CIITA: variants seen among roughly 807,000 people sequenced by gnomAD.
CIITA encodes the protein class II major histocompatibility complex transactivator, also known as MHC class II transactivator.
CIITA carries 72 observed loss-of-function variants against 115.1 expected under a neutral mutation model. That is an observed-to-expected ratio of 0.63 (90% CI 0.52 to 0.76). The LOEUF is 0.76. CIITA is among the 30% of genes least tolerant of loss of function. CIITA has a pLI of 0.00. For synonymous variants in CIITA, 763 were observed against 635.6 expected, an observed-to-expected ratio of 1.20 and a Z score of -3.02; for missense variants, 1,617 against 1,463.8, an observed-to-expected ratio of 1.10 and a Z score of -1.71.
chr16:10,875,644 A>G (rs1007498169), upstream of CIITA, among the ~76,000 whole-genome samples: 1 of 151,996 alleles, frequency 6.6e-6, no homozygotes, highest in African/African-American at 2.4e-5. Context: ...GGTTTTTTTT[A>G]ACCACTCACC....
chr16:10,902,993 T>G (rs573193483), intron 8 of CIITA, among the ~76,000 whole-genome samples, 192 bp downstream of exon 8: 2 of 152,346 alleles, frequency 1.3e-5, no homozygotes, highest in South Asian at 4.1e-4. Context: ...CCTGAGGTGG[T>G]CTGGGTGCAT....
At chr16:10,939,635 T>C (rs2041074332), downstream of CIITA, 1 of 152,272 alleles carries the variant, frequency 6.6e-6, no homozygotes, top group South Asian at 2.1e-4. The surrounding 1 kb of genome is among the most constrained non-coding windows in gnomAD (Gnocchi z 4.9). Flanking sequence ...AGAGGCTTTC[T>C]CTGACCCCTC....
Position 10,929,200 on chromosome 16 carries a change from C to A in CIITA, c.*5345C>A, listed in dbSNP as rs1049447259. On this transcript the variant is annotated 3_prime_UTR_variant, in exon 20 of 20. Coordinates refer to ENST00000324288, the MANE Select transcript of CIITA (RefSeq NM_000246.4). This position sits in a 1 kb window ranked among gnomAD's most constrained non-coding sequence, Gnocchi z 4.3. ...CAGCCTCGGGCTAAACCCAGCTGGCCTGAAGGCTCAACTCACATCAAACGG... is the reference window on the plus strand; with the variant it reads ...CAGCCTCGGGCTAAACCCAGCTGGCATGAAGGCTCAACTCACATCAAACGG... 8.1e-6 allele frequency: 8 copies of A among 985,654 alleles called. No homozygotes were observed. Among genetic ancestry groups the A allele is most frequent in the Admixed American group, 1.2e-4 (2 of 16,264 alleles). The allele number at this position is 985,654 out of a possible 1,614,324, so 61.1% of individuals were successfully genotyped here.
In CIITA at chr16:10,922,236, C is replaced by G. The variant is rs1427439897; in HGVS notation, c.3219C>G (p.Ser1073=). The change falls in exon 17 of 20, where the codon TCC becomes TCG. Residue 1073 remains serine, a synonymous_variant. Transcript: ENST00000324288. ...CTCGTGTGCTTCCGGACATGGTGTC[C>G]CTCCGGGTGATGGAGTGAGTGTGGG... is the stretch of plus-strand genomic sequence containing the variant. ...SLARVLPDMV[S]LRVMDVQYNK... 6.2e-7 allele frequency: 1 copy of G among 1,614,208 alleles called. No homozygotes were observed. The highest frequency in any genetic ancestry group is 8.5e-7 in the Non-Finnish European group (1 of 1,180,022).
chr16:10,898,597 G>A, intron 3 of CIITA, 73 bp from the exon 4 acceptor site: 6 of 1,447,470 alleles, frequency 4.1e-6, no homozygotes, highest in Non-Finnish European at 5.7e-6. Context: ...AGGTTCCCCA[G>A]CCCAAGGCCT....
At chr16:10,880,523 G>A (rs746552312) in intron 1 of CIITA, among the ~76,000 whole-genome samples, 5 of 152,184 alleles carry the variant, frequency 3.3e-5, no homozygotes, top group Non-Finnish European at 7.3e-5. Flanking sequence ...GTTTGCAGAC[G>A]CAGGATTTGA....
At chr16:10,886,711 C>T (rs1278943852) in intron 1 of CIITA, among the ~76,000 whole-genome samples, 1 of 152,194 alleles carries the variant, frequency 6.6e-6, no homozygotes, top group Non-Finnish European at 1.5e-5. Context: ...ACCACTTACT[C>T]GCTAAGTCAC....
chr16:10,891,317 A>C (rs1258422538), intron 1 of CIITA, among the ~76,000 whole-genome samples: 1 of 152,028 alleles, frequency 6.6e-6, no homozygotes, highest in Admixed American at 6.6e-5. Flanking sequence ...CCGACAGGCT[A>C]TGAGGTCTTG....
rs76059448 is a variant in CIITA, at chr16:10,904,015, G to A, written c.937+120G>A. 4 of 1,342,252 alleles carry A rather than the reference G, an allele frequency of 3.0e-6. No homozygotes were observed. In the African/African-American group the frequency reaches 5.8e-5, roughly 19 times the overall value. The allele number at this position is 1,342,252 out of a possible 1,614,324, so 83.1% of individuals were successfully genotyped here. On this transcript the variant is annotated intron_variant, in intron 9 of 19. Coordinates refer to ENST00000324288, the MANE Select transcript of CIITA (RefSeq NM_000246.4). ...TGTAGGGACAACAGGTCATGTTTAG[G>A]GGTCAGTCGGGACAGGGAGGGTCTC... is the stretch of plus-strand genomic sequence containing the variant.
chr16:10,923,363 G>C lies in CIITA; in HGVS notation c.*22+38G>C. 2.7e-6 allele frequency: 4 copies of C among 1,485,866 alleles called. No individual in the cohort carries two copies. Among genetic ancestry groups the C allele is most frequent in the Non-Finnish European group, 3.8e-6 (4 of 1,065,244 alleles). The allele number at this position is 1,485,866 out of a possible 1,614,324, so 92.0% of individuals were successfully genotyped here. On this transcript the variant is annotated intron_variant, in intron 19 of 19. Coordinates refer to ENST00000324288, the MANE Select transcript of CIITA (RefSeq NM_000246.4). The surrounding 1 kb of genome is among the most constrained non-coding windows in gnomAD (Gnocchi z 5.2). ...GGCTTGGGAGGGGAGAGCCGCAGTG[G>C]GTTGGGGGCAGTGTCCTTGTGAAGG... is the stretch of plus-strand genomic sequence containing the variant.
rs1273245844 is a variant in CIITA at position 10,899,036 on chromosome 16, T to C, written c.436+34T>C. The C allele has an allele frequency of 2.5e-6, 4 of 1,605,472 alleles. No homozygotes were observed. In the Admixed American group the frequency reaches 6.7e-5, roughly 27 times the overall value. ...GCCCCTCCCTGATCCAACCTAGCCT[T>C]GCTTGAGACCTGGCCTTTCCTTGAC... On this transcript the variant is annotated intron_variant, in intron 5 of 19. Transcript: ENST00000324288.
chr16:10,883,454 AC>A (rs1325742092), intron 1 of CIITA, among the ~76,000 whole-genome samples: 1 of 152,196 alleles, frequency 6.6e-6, no homozygotes, highest in Non-Finnish European at 1.5e-5. Flanking sequence ...CAGGCCCCTC[AC>A]CCACAATAAC....
upstream of CIITA, among the ~76,000 whole-genome samples, chr16:10,872,671 T>C (rs2035568096): frequency 6.6e-6 from 1 of 152,262 alleles, no homozygotes; most frequent in Non-Finnish European, 1.5e-5. Flanking sequence ...TGTCCCTCCC[T>C]AATTTGGATA....
chr16:10,918,097 T>C (rs2040057080), intron 15 of CIITA, among the ~76,000 whole-genome samples: 1 of 152,150 alleles, frequency 6.6e-6, no homozygotes, highest in Admixed American at 6.5e-5. Context: ...CCCTGCTCCA[T>C]GTGAAGCCCA....
intron 13 of CIITA, among the ~76,000 whole-genome samples, chr16:10,913,023 C>T (rs2039686080): frequency 6.6e-6 from 1 of 152,244 alleles, no homozygotes; most frequent in Admixed American, 6.5e-5. Context: ...AGTTCAGTCC[C>T]CACTCACCTG....
chr16:10,917,772 G>T (rs191527974), intron 15 of CIITA, among the ~76,000 whole-genome samples: 1 of 152,108 alleles, frequency 6.6e-6, no homozygotes, highest in African/African-American at 2.4e-5. Context: ...GAGCCACCAC[G>T]CCCAGTTCAA....
chr16:10,878,097 C>T (rs746009474), intron 1 of CIITA, among the ~76,000 whole-genome samples: 2 of 152,294 alleles, frequency 1.3e-5, no homozygotes, highest in Non-Finnish European at 2.9e-5. Context: ...AGGGACCTAG[C>T]ACAGTGTCCA....
downstream of CIITA, chr16:10,939,585 T>C (rs2041073568): frequency 6.6e-6 from 1 of 152,230 alleles, no homozygotes; most frequent in Non-Finnish European, 1.5e-5. This position sits in a 1 kb window ranked among gnomAD's most constrained non-coding sequence, Gnocchi z 4.9. Context: ...CAGATCCTTC[T>C]ATCAAATTAA....
downstream of CIITA, chr16:10,938,882 T>A (rs2041064640): frequency 6.6e-6 from 1 of 152,252 alleles, no homozygotes; most frequent in South Asian, 2.1e-4. The surrounding 1 kb of genome is among the most constrained non-coding windows in gnomAD (Gnocchi z 4.9). Flanking sequence ...GATTCAGTTT[T>A]TAGTTCAGAA....
Sources: allele counts gnomAD v4.1 joint callset (sites outside exome capture counted in the v4.1 genomes callset), GRCh38; gene constraint gnomAD v4.1.1; non-coding constraint Gnocchi (gnomAD v3.1); transcripts MANE v1.5; gene names NCBI Gene and HGNC (gene_info 2026-07-23, HGNC 2026-07-21).